Variants in SLIT1 observed in about 807,000 individuals in gnomAD.
SLIT1 encodes the protein slit guidance ligand 1, also known as slit homolog 1 protein.
A neutral mutation model predicts 186.1 loss-of-function variants in SLIT1; 66 were observed. That is an observed-to-expected ratio of 0.35 (90% CI 0.29 to 0.44). SLIT1 has a LOEUF of 0.44. SLIT1 is among the 20% of genes least tolerant of loss of function. The probability of loss-of-function intolerance (pLI) is 1.00; values close to 1 mark genes in which losing one functional copy is unlikely to be tolerated. For synonymous variants in SLIT1, 761 were observed against 833.8 expected (o/e 0.91, Z 1.50); for missense variants, 1,638 against 2,037.4 (o/e 0.80, Z 3.77).
chr10:97,052,378 G>A (rs1848797332), intron 13 of SLIT1, among the ~76,000 whole-genome samples: 1 of 152,266 alleles, frequency 6.6e-6, no homozygotes, highest in East Asian at 1.9e-4. Context: ...GGGATTACAG[G>A]TGTGAGCCAC....
chr10:97,127,901 A>G (rs1477701347), intron 4 of SLIT1, among the ~76,000 whole-genome samples: 1 of 152,094 alleles, frequency 6.6e-6, no homozygotes, highest in African/African-American at 2.4e-5. Flanking sequence ...CAGTTCATAT[A>G]TGATTAAAGC....
At chr10:97,060,978 G>T (rs1379367209) in intron 8 of SLIT1, among the ~76,000 whole-genome samples, 191 bp from the exon 9 acceptor site, 1 of 152,232 alleles carries the variant, frequency 6.6e-6, no homozygotes, top group Non-Finnish European at 1.5e-5. Context: ...CACACAGCAG[G>T]TTCTTGTCAG....
At chr10:97,074,192 A>G (rs1265176893) in intron 4 of SLIT1, among the ~76,000 whole-genome samples, 1 of 152,182 alleles carries the variant, frequency 6.6e-6, no homozygotes, top group African/African-American at 2.4e-5. Flanking sequence ...CTCCCAGCAG[A>G]CACTCTCCTT....
In SLIT1 at chr10:97,004,374, A is replaced by T; in HGVS notation, c.3711-152T>A. ...TGGGGGCTCAAGGGTCTATCGCATG[A>T]TCCCTTTCACTCCCCTTCTTTGACT... On this transcript the variant is annotated intron_variant, in intron 33 of 36. Transcript: ENST00000266058. This position sits in a 1 kb window ranked among gnomAD's most constrained non-coding sequence, Gnocchi z 5.1. 2.5e-6 allele frequency: 2 copies of T among 806,270 alleles called. No individual in the cohort carries two copies. Among genetic ancestry groups the T allele is most frequent in the Non-Finnish European group, 2.0e-6 (1 of 510,866 alleles). The allele number at this position is 806,270 out of a possible 1,614,324, so 49.9% of individuals were successfully genotyped here. A position where few individuals can be genotyped will look rare whatever the true frequency, so the allele number is the denominator to read the frequency against.
intron 1 of SLIT1, among the ~76,000 whole-genome samples, chr10:97,167,904 G>T (rs979440770): frequency 2.0e-5 from 3 of 152,198 alleles, no homozygotes; most frequent in Non-Finnish European, 4.4e-5. Flanking sequence ...CGCCATGATT[G>T]TAAGTTTCCT....
At chr10:97,090,562 A>G (rs1290800925) in intron 4 of SLIT1, among the ~76,000 whole-genome samples, 1 of 148,056 alleles carries the variant, frequency 6.8e-6, no homozygotes, top group Admixed American at 6.8e-5. Context: ...TATAAGGAGA[A>G]CTGGTTTCTG....
In SLIT1 at chr10:97,034,504, G is replaced by C. The variant is rs773407029; in HGVS notation, c.2405C>G (p.Ser802Cys). 1 of 1,613,696 alleles carries C rather than the reference G, an allele frequency of 6.2e-7. No homozygotes were observed. The highest frequency in any genetic ancestry group is 1.7e-5 in the Admixed American group (1 of 60,004). ...CAGCTGGCTCATGTTGGTGAAGGAG[G>C]AATTGCTTAAGGAACTGATCTTGTT... ...SNNKISSLSN[S>C]SFTNMSQLTT... is the part of the protein sequence containing the mutation. The change falls in exon 23 of 37, where the codon TCC becomes TGC. Residue 802 changes from serine (S) to cysteine (C), a missense_variant. By Grantham distance (112) the Ser-to-Cys change is moderately radical. Around this residue, in one of 3 missense-constraint regions of SLIT1, gnomAD observed 1,245 missense variants for 1,535.3 expected, o/e 0.81. Coordinates refer to ENST00000266058, the MANE Select transcript of SLIT1 (RefSeq NM_003061.3).
chr10:97,066,306 G>A (rs1050474395), intron 4 of SLIT1, among the ~76,000 whole-genome samples: 12 of 152,236 alleles, frequency 7.9e-5, no homozygotes, highest in African/African-American at 2.9e-4. Context: ...ACCATGTCCT[G>A]GAGGGAGCTC....
At chr10:97,175,003 C>G (rs1374638802) in intron 1 of SLIT1, among the ~76,000 whole-genome samples, 1 of 152,184 alleles carries the variant, frequency 6.6e-6, no homozygotes, top group Non-Finnish European at 1.5e-5. Flanking sequence ...AAACCAATCT[C>G]CAGAACTTTT....
At chr10:97,156,928 A>T (rs1274754395) in intron 4 of SLIT1, among the ~76,000 whole-genome samples, 1 of 152,242 alleles carries the variant, frequency 6.6e-6, no homozygotes, top group African/African-American at 2.4e-5. Flanking sequence ...ATTAATGACA[A>T]CAATTAAGGG....
intron 4 of SLIT1, among the ~76,000 whole-genome samples, chr10:97,145,910 G>C (rs553472369): frequency 1.3e-5 from 2 of 152,252 alleles, no homozygotes; most frequent in East Asian, 3.9e-4. Flanking sequence ...AGGCCCAAAC[G>C]CACAAGACAG....
At chr10:97,034,971 A>G (rs1848625350) in intron 22 of SLIT1, among the ~76,000 whole-genome samples, 1 of 152,150 alleles carries the variant, frequency 6.6e-6, no homozygotes, top group African/African-American at 2.4e-5. Context: ...CCCATTTGAC[A>G]AAGACCCAGA....
intron 12 of SLIT1, among the ~76,000 whole-genome samples, 156 bp from the exon 13 acceptor site, chr10:97,056,620 C>T (rs978298727): frequency 6.6e-6 from 1 of 152,218 alleles, no homozygotes; most frequent in African/African-American, 2.4e-5. Context: ...GTCTGCCCCA[C>T]GGAGAGGGGC....
intron 4 of SLIT1, among the ~76,000 whole-genome samples, chr10:97,123,539 C>A (rs1305066812): frequency 6.6e-6 from 1 of 152,132 alleles, no homozygotes; most frequent in African/African-American, 2.4e-5. Flanking sequence ...GTAATCCCAG[C>A]ACTTTGGGAG....
In SLIT1 at chr10:97,167,296, G is replaced by A. The variant is rs544736841; in HGVS notation, c.198-2406C>T. On this transcript the variant is annotated intron_variant, in intron 1 of 36. Transcript: ENST00000266058. Reference sequence around the variant, plus strand: ...CCCCAACCTGCTCCCTCTGCACCCCGGCCTTTCTTCAAACACTGAGAATGT... The same window carrying A: ...CCCCAACCTGCTCCCTCTGCACCCCAGCCTTTCTTCAAACACTGAGAATGT... 7.9e-5 allele frequency among the ~76,000 whole-genome samples: 12 copies of A among 152,240 alleles called. No individual in the cohort carries two copies. In the South Asian group the frequency reaches 1.0e-3, roughly 13 times the overall value.
Position 97,060,803 on chromosome 10 carries a change from G to C in SLIT1, c.794-16C>G. 1 of 1,574,688 alleles carries C rather than the reference G, an allele frequency of 6.4e-7. No homozygotes were observed. Among genetic ancestry groups the C allele is most frequent in the Middle Eastern group, 1.7e-4 (1 of 5,922 alleles). On this transcript the variant is annotated splice_polypyrimidine_tract_variant and intron_variant, in intron 8 of 36. Coordinates refer to ENST00000266058, the MANE Select transcript of SLIT1 (RefSeq NM_003061.3). The stretch of plus-strand genomic sequence containing the variant: ...TCTCCCTGGCCTGCAGAAACAGGGG[G>C]GTGTGGCCTCAGGCTGTCATGCATC...
chr10:97,012,074 GT>G (rs2134592672), intron 30 of SLIT1, among the ~76,000 whole-genome samples: 1 of 113,378 alleles, frequency 8.8e-6, no homozygotes, highest in East Asian at 2.5e-4. Context: ...TTCAAGCCCA[GT>G]ACACACACAC....
At chr10:97,050,992 T>A (rs1052289957) in intron 13 of SLIT1, among the ~76,000 whole-genome samples, 1 of 151,866 alleles carries the variant, frequency 6.6e-6, no homozygotes, top group Non-Finnish European at 1.5e-5. Flanking sequence ...AGAAAAAAAA[T>A]TCATTTGGGA....
intron 4 of SLIT1, among the ~76,000 whole-genome samples, chr10:97,074,523 A>G (rs1849028155): frequency 6.6e-6 from 1 of 152,200 alleles, no homozygotes; most frequent in Non-Finnish European, 1.5e-5. Flanking sequence ...TGATGTAACA[A>G]TCGCACCTCT....
Sources: gnomAD v4.1 joint callset for allele counts (sites outside exome capture counted in the v4.1 genomes callset) on GRCh38, gnomAD v4.1.1 for gene constraint, gnomAD v4.1.1 regional missense constraint, Gnocchi (gnomAD v3.1) non-coding constraint, MANE v1.5 for transcripts, NCBI Gene and HGNC (gene_info 2026-07-23, HGNC 2026-07-21) for gene names.